The following TNNC1 variants were observed in gnomAD, a reference collection of about 807,000 sequenced individuals.
TNNC1 encodes troponin C, slow skeletal and cardiac muscles.
A neutral mutation model predicts 19.6 loss-of-function variants in TNNC1; 10 were observed. The ratio of observed to expected loss-of-function variants is 0.51; its 90% CI spans 0.31 to 0.87. The LOEUF is 0.87. TNNC1 is among the 40% of genes least tolerant of loss of function. TNNC1 has a pLI of 0.04. For synonymous variants in TNNC1, 85 were observed against 80.1 expected, an observed-to-expected ratio of 1.06 and a Z score of -0.33; for missense variants, 115 against 219.8, an observed-to-expected ratio of 0.52 and a Z score of 3.02.
At position 52,451,374 on chromosome 3, in the gene TNNC1, C is replaced by A. The variant is rs754572435; in HGVS notation, c.454+17G>T. The A allele has an allele frequency of 1.2e-6, 2 of 1,613,966 alleles. No individual in the cohort carries two copies. Among genetic ancestry groups the A allele is most frequent in the South Asian group, 1.1e-5 (1 of 91,080 alleles). On this transcript the variant is annotated intron_variant, in intron 5 of 5. Transcript: ENST00000232975. The surrounding 1 kb of genome is among the most constrained non-coding windows in gnomAD (Gnocchi z 4.8). ...GCAGGGCATGGAGGCAGGAGATCAG[C>A]CCACCCACCCGCTTACCATCATAGT...
In TNNC1 at chr3:52,451,406, G is replaced by A. The variant is rs796243470; in HGVS notation, c.439C>T (p.Arg147Cys). The change falls in exon 5 of 6, where the codon CGC (arginine) becomes TGC (cysteine). Residue 147 changes from arginine to cysteine, a missense_variant. Arg to Cys is a radical substitution (Grantham distance 180). Coordinates refer to ENST00000232975, the MANE Select transcript of TNNC1 (RefSeq NM_003280.3). This position sits in a 1 kb window ranked among gnomAD's most constrained non-coding sequence, Gnocchi z 4.8. ...MKDGDKNNDG[R>C]IDYDEFLEFM... ...ACCCGCTTACCATCATAGTCGATGC[G>A]GCCGTCGTTGTTCTTGTCTCCGTCC... 6.2e-6 allele frequency: 10 copies of A among 1,614,040 alleles called. No homozygotes were observed. The highest frequency in any genetic ancestry group is 3.3e-5 in the Admixed American group (2 of 60,000).
chr3:52,451,162 G>T lies in TNNC1; in HGVS notation c.*113C>A. On this transcript the variant is annotated 3_prime_UTR_variant, in exon 6 of 6. Transcript: ENST00000232975. The surrounding 1 kb of genome is among the most constrained non-coding windows in gnomAD (Gnocchi z 4.8). ...ATCTGGGGAGGGAGTCGGGGGATTTGGGGTTGAGGACATGGCCAGGCTCAG... is the reference window on the plus strand; with the variant it reads ...ATCTGGGGAGGGAGTCGGGGGATTTTGGGTTGAGGACATGGCCAGGCTCAG... 1 of 1,232,960 alleles carries T rather than the reference G, an allele frequency of 8.1e-7. No homozygotes were observed. Among genetic ancestry groups the T allele is most frequent in the Non-Finnish European group, 1.2e-6 (1 of 842,552 alleles). 76.4% of individuals were successfully genotyped at this position (1,232,960 alleles called of 1,614,324 possible). A position where few individuals can be genotyped will look rare whatever the true frequency, so the allele number is the denominator to read the frequency against.
chr3:52,453,184 C>A (rs1399985040), intron 1 of TNNC1, among the ~76,000 whole-genome samples: 1 of 152,172 alleles, frequency 6.6e-6, no homozygotes, highest in Non-Finnish European at 1.5e-5. Context: ...GGGAGGGGTT[C>A]CCCTGGGGAC....
rs1706347150 is a variant in TNNC1 at position 52,452,707 on chromosome 3, C to G, written c.25-194G>C. 1 of 658,456 alleles carries G rather than the reference C, an allele frequency of 1.5e-6. No individual in the cohort carries two copies. The highest frequency in any genetic ancestry group is 1.7e-5 in the South Asian group (1 of 57,672). The allele number at this position is 658,456 out of a possible 1,614,324, so 40.8% of individuals were successfully genotyped here. On this transcript the variant is annotated intron_variant, in intron 1 of 5. Coordinates refer to ENST00000232975, the MANE Select transcript of TNNC1 (RefSeq NM_003280.3). This position sits in a 1 kb window ranked among gnomAD's most constrained non-coding sequence, Gnocchi z 5.2. ...CAGCTGGCCTCACTGCGACTGGGCT[C>G]AGGGCCAGGGTGACAGGTGGGCACC...
rs1343695745 is a variant in TNNC1, at chr3:52,452,462, A to C, written c.55+21T>G. On this transcript the variant is annotated intron_variant, in intron 2 of 5. Coordinates refer to ENST00000232975, the MANE Select transcript of TNNC1 (RefSeq NM_003280.3). The surrounding 1 kb of genome is among the most constrained non-coding windows in gnomAD (Gnocchi z 5.2). ...CAGCCTGGACCCGCTGGTCTCCCAC[A>C]TGTGTGATAGGGATTCTCACCATTT... 1.2e-6 allele frequency: 2 copies of C among 1,612,854 alleles called. No individual in the cohort carries two copies. Among genetic ancestry groups the C allele is most frequent in the Admixed American group, 3.3e-5 (2 of 59,796 alleles).
intron 1 of TNNC1, among the ~76,000 whole-genome samples, chr3:52,453,462 A>C (rs1476576403): frequency 1.3e-5 from 2 of 152,076 alleles, no homozygotes; most frequent in Non-Finnish European, 2.9e-5. Flanking sequence ...CAAACTTCAA[A>C]GCCCCATCTC....
rs1706343537 is a variant in TNNC1 at position 52,452,463 on chromosome 3, T to C, written c.55+20A>G. On this transcript the variant is annotated intron_variant, in intron 2 of 5. Transcript: ENST00000232975. This position sits in a 1 kb window ranked among gnomAD's most constrained non-coding sequence, Gnocchi z 5.2. ...AGCCTGGACCCGCTGGTCTCCCACATGTGTGATAGGGATTCTCACCATTTT... is the reference window on the plus strand; with the variant it reads ...AGCCTGGACCCGCTGGTCTCCCACACGTGTGATAGGGATTCTCACCATTTT... 1.2e-6 allele frequency: 2 copies of C among 1,612,942 alleles called. No individual in the cohort carries two copies. Among genetic ancestry groups the C allele is most frequent in the Non-Finnish European group, 1.7e-6 (2 of 1,179,536 alleles).
Position 52,451,125 on chromosome 3 carries a change from C to T in TNNC1, c.*150G>A. ...TTGGGAGAGCAGGCTTTATTTGCATCCCCCAGGACAGATCTGGGGAGGGAG... is the reference window on the plus strand; with the variant it reads ...TTGGGAGAGCAGGCTTTATTTGCATTCCCCAGGACAGATCTGGGGAGGGAG... On this transcript the variant is annotated 3_prime_UTR_variant, in exon 6 of 6. Coordinates refer to ENST00000232975, the MANE Select transcript of TNNC1 (RefSeq NM_003280.3). This position sits in a 1 kb window ranked among gnomAD's most constrained non-coding sequence, Gnocchi z 4.8. 1 of 907,288 alleles carries T rather than the reference C, an allele frequency of 1.1e-6. No homozygotes were observed. The allele number at this position is 907,288 out of a possible 1,614,324, so 56.2% of individuals were successfully genotyped here. A position where few individuals can be genotyped will look rare whatever the true frequency, so the allele number is the denominator to read the frequency against.
In TNNC1 at chr3:52,451,446, G is replaced by C; in HGVS notation, c.399C>G (p.Ile133Met). 5 of 1,614,150 alleles carry C rather than the reference G, an allele frequency of 3.1e-6. No homozygotes were observed. Among genetic ancestry groups the C allele is most frequent in the Non-Finnish European group, 4.2e-6 (5 of 1,180,008 alleles). The change falls in exon 5 of 6, where the codon ATC becomes ATG. Residue 133 changes from isoleucine to methionine, a missense_variant. Ile to Met is a conservative substitution (Grantham distance 10). Coordinates refer to ENST00000232975, the MANE Select transcript of TNNC1 (RefSeq NM_003280.3). This position sits in a 1 kb window ranked among gnomAD's most constrained non-coding sequence, Gnocchi z 4.8. The stretch of plus-strand genomic sequence containing the variant: ...TGTCTCCGTCCTTCATGAGCTCCTC[G>C]ATGTCGTCCTCCGTGATGGTCTCGC... ...ATGETITEDD[I>M]EELMKDGDKN...
chr3:52,452,523 A>G lies in TNNC1; in HGVS notation c.25-10T>C. On this transcript the variant is annotated splice_polypyrimidine_tract_variant and intron_variant, in intron 1 of 5. Coordinates refer to ENST00000232975, the MANE Select transcript of TNNC1 (RefSeq NM_003280.3). This position sits in a 1 kb window ranked among gnomAD's most constrained non-coding sequence, Gnocchi z 5.2. The stretch of plus-strand genomic sequence containing the variant: ...CTGTCAGCTGCTCTACCTAGAAAGG[A>G]AAGGGAATCTCAAGGCTCAGACTCA... 6 of 1,613,092 alleles carry G rather than the reference A, an allele frequency of 3.7e-6. No homozygotes were observed. The highest frequency in any genetic ancestry group is 5.1e-6 in the Non-Finnish European group (6 of 1,179,592).
Position 52,451,917 on chromosome 3 carries a change from T to C in TNNC1, c.203-59A>G. On this transcript the variant is annotated intron_variant, in intron 3 of 5. Transcript: ENST00000232975. The surrounding 1 kb of genome is among the most constrained non-coding windows in gnomAD (Gnocchi z 4.8). ...AGGGTAGGTACTGCAGGCAGCACCT[T>C]CGACACGAACCCCCATGTTCTCACC... 2 of 1,553,590 alleles carry C rather than the reference T, an allele frequency of 1.3e-6. No individual in the cohort carries two copies. The highest frequency in any genetic ancestry group is 1.8e-6 in the Non-Finnish European group (2 of 1,126,428).
chr3:52,453,980 C>A lies in TNNC1; in HGVS notation c.24+12G>T. ...CCTGCCCACCCCAGCCCTACCCAGC[C>A]CTGTCCCTCACCGCAGCCTTGTAGA... On this transcript the variant is annotated intron_variant, in intron 1 of 5. Coordinates refer to ENST00000232975, the MANE Select transcript of TNNC1 (RefSeq NM_003280.3). 6.3e-7 allele frequency: 1 copy of A among 1,585,166 alleles called. No homozygotes were observed. The highest frequency in any genetic ancestry group is 2.3e-5 in the East Asian group (1 of 43,590).
chr3:52,452,060 C>T lies in TNNC1; in HGVS notation c.202+46G>A. 1.9e-6 allele frequency: 3 copies of T among 1,613,448 alleles called. No individual in the cohort carries two copies. The highest frequency in any genetic ancestry group is 1.3e-5 in the African/African-American group (1 of 75,024). On this transcript the variant is annotated intron_variant, in intron 3 of 5. Coordinates refer to ENST00000232975, the MANE Select transcript of TNNC1 (RefSeq NM_003280.3). This position sits in a 1 kb window ranked among gnomAD's most constrained non-coding sequence, Gnocchi z 5.2. ...CTAAACAGAGCCAGCATTCCAGCCC[C>T]CAGCCAGCTGGGGTTCTTCTGGAGC... is the stretch of plus-strand genomic sequence containing the variant.
chr3:52,451,257 C>G lies in TNNC1; in HGVS notation c.*18G>C. Reference sequence around the variant, plus strand: ...AGTTGGAGGCTGGGCATAGGCAGCTCTGGGTGAAGGTCAGCATCTACTCCA... The same window carrying G: ...AGTTGGAGGCTGGGCATAGGCAGCTGTGGGTGAAGGTCAGCATCTACTCCA... On this transcript the variant is annotated 3_prime_UTR_variant, in exon 6 of 6. Coordinates refer to ENST00000232975, the MANE Select transcript of TNNC1 (RefSeq NM_003280.3). The surrounding 1 kb of genome is among the most constrained non-coding windows in gnomAD (Gnocchi z 4.8). 1.2e-6 allele frequency: 2 copies of G among 1,614,038 alleles called. No homozygotes were observed. The highest frequency in any genetic ancestry group is 1.7e-6 in the Non-Finnish European group (2 of 1,179,994).
At chr3:52,453,842 A>G (rs1706365273) in intron 1 of TNNC1, 150 bp downstream of exon 1, 1 of 915,396 alleles carries the variant, frequency 1.1e-6, no homozygotes, top group South Asian at 1.5e-5. Flanking sequence ...AAACACCAGA[A>G]TCACTGTCCC....
chr3:52,453,510 C>T (rs1015927390), intron 1 of TNNC1, among the ~76,000 whole-genome samples: 1 of 152,146 alleles, frequency 6.6e-6, no homozygotes, highest in Non-Finnish European at 1.5e-5. Context: ...CCTCCTCTCA[C>T]ACCCTCCACC....
chr3:52,452,439 G>A lies in TNNC1; in HGVS notation c.55+44C>T, dbSNP rs1706343101. ...CTTCTGATAAGGGGTCCCCATGCCA[G>A]CCTGGACCCGCTGGTCTCCCACATG... On this transcript the variant is annotated intron_variant, in intron 2 of 5. Coordinates refer to ENST00000232975, the MANE Select transcript of TNNC1 (RefSeq NM_003280.3). The surrounding 1 kb of genome is among the most constrained non-coding windows in gnomAD (Gnocchi z 5.2). The A allele has an allele frequency of 6.2e-7, 1 of 1,609,220 alleles. No individual in the cohort carries two copies. Among genetic ancestry groups the A allele is most frequent in the East Asian group, 2.2e-5 (1 of 44,786 alleles).
Position 52,452,553 on chromosome 3 carries a change from T to C in TNNC1, c.25-40A>G. 1 of 1,608,382 alleles carries C rather than the reference T, an allele frequency of 6.2e-7. No homozygotes were observed. The highest frequency in any genetic ancestry group is 8.5e-7 in the Non-Finnish European group (1 of 1,177,218). The stretch of plus-strand genomic sequence containing the variant: ...GAATCTCAAGGCTCAGACTCAGGTA[T>C]AGCTGCTGCTGAGGAAACCAACCCA... On this transcript the variant is annotated intron_variant, in intron 1 of 5. Coordinates refer to ENST00000232975, the MANE Select transcript of TNNC1 (RefSeq NM_003280.3). The surrounding 1 kb of genome is among the most constrained non-coding windows in gnomAD (Gnocchi z 5.2).
Position 52,452,077 on chromosome 3 carries a change from T to C in TNNC1, c.202+29A>G. ...TCCAGCCCCCAGCCAGCTGGGGTTC[T>C]TCTGGAGCCTGGGGAGGAGGGGGCT... On this transcript the variant is annotated intron_variant, in intron 3 of 5. Transcript: ENST00000232975. The surrounding 1 kb of genome is among the most constrained non-coding windows in gnomAD (Gnocchi z 5.2). 6.2e-7 allele frequency: 1 copy of C among 1,613,578 alleles called. No individual in the cohort carries two copies. Among genetic ancestry groups the C allele is most frequent in the Admixed American group, 1.7e-5 (1 of 60,030 alleles).
Sources: allele counts gnomAD v4.1 joint callset (sites outside exome capture counted in the v4.1 genomes callset), GRCh38; gene constraint gnomAD v4.1.1; non-coding constraint Gnocchi (gnomAD v3.1); transcripts MANE v1.5; gene names NCBI Gene and HGNC (gene_info 2026-07-23, HGNC 2026-07-21).